Variants in EYS observed in about 807,000 individuals in gnomAD.
The protein encoded by EYS is EGF-like photoreceptor maintenance factor.
In EYS, 250 loss-of-function variants were observed where a neutral mutation model predicts 282.1. That is an observed-to-expected ratio of 0.89 (90% CI 0.80 to 0.98). The LOEUF (loss-of-function observed/expected upper bound fraction) is 0.98, where lower values mean the gene tolerates loss of function less well. Ranked by LOEUF, EYS falls within the 50% of genes least tolerant of loss-of-function variation. The pLI is 0.00. For synonymous variants in EYS, 1,355 were observed against 1,282.9 expected (o/e 1.06, Z -1.20); for missense variants, 4,016 against 3,709.0 (o/e 1.08, Z -2.15).
chr6:65,368,776 T>C (rs1020003234), intron 8 of EYS, among the ~76,000 whole-genome samples: 5 of 151,652 alleles, frequency 3.3e-5, no homozygotes, highest in Non-Finnish European at 7.4e-5. Context: ...ACTTTAAGCA[T>C]AAGCCAACTT....
chr6:65,405,124 T>G (rs1045959728), intron 6 of EYS, 50 bp downstream of exon 6: 6 of 1,313,292 alleles, frequency 4.6e-6, no homozygotes, highest in Non-Finnish European at 6.6e-6. Context: ...TGCTTGGTAA[T>G]AGTAAAAAAA....
At chr6:64,714,933 T>C (rs944868069) in intron 22 of EYS, among the ~76,000 whole-genome samples, 3 of 151,988 alleles carry the variant, frequency 2.0e-5, no homozygotes, top group Middle Eastern at 3.2e-3. Flanking sequence ...CGCTTGAAAA[T>C]GTCTATCTAG....
intron 26 of EYS, among the ~76,000 whole-genome samples, chr6:64,489,564 A>G (rs1374013197): frequency 6.8e-6 from 1 of 147,546 alleles, no homozygotes; most frequent in Non-Finnish European, 1.5e-5. Context: ...AAATTTTAAT[A>G]TAAAAATATT....
intron 12 of EYS, among the ~76,000 whole-genome samples, chr6:65,270,386 G>A (rs780402192): frequency 3.9e-5 from 6 of 152,070 alleles, no homozygotes; most frequent in Non-Finnish European, 8.8e-5. Context: ...TTATTGCTTT[G>A]GGTGGCCCTA....
At chr6:65,028,006 A>G (rs1772473446) in intron 13 of EYS, among the ~76,000 whole-genome samples, 1 of 152,156 alleles carries the variant, frequency 6.6e-6, no homozygotes, top group Non-Finnish European at 1.5e-5. Flanking sequence ...AGTCTGCTTT[A>G]CTATCCTGCA....
chr6:64,396,210 C>T (rs1039442925), intron 28 of EYS, among the ~76,000 whole-genome samples: 7 of 151,964 alleles, frequency 4.6e-5, no homozygotes, highest in African/African-American at 1.4e-4. Flanking sequence ...ACAAATTATT[C>T]TAATGTTGGT....
At chr6:64,324,306 T>G (rs1453637602) in intron 29 of EYS, among the ~76,000 whole-genome samples, 6 of 152,210 alleles carry the variant, frequency 3.9e-5, no homozygotes, top group Non-Finnish European at 8.8e-5. Context: ...GCTTTATTTT[T>G]GGGATGCAAA....
At chr6:65,570,881 T>C (rs1764452638) in intron 2 of EYS, among the ~76,000 whole-genome samples, 1 of 152,168 alleles carries the variant, frequency 6.6e-6, no homozygotes, top group Non-Finnish European at 1.5e-5. Flanking sequence ...TGAAGATTTT[T>C]TTCAATGTAT....
intron 33 of EYS, among the ~76,000 whole-genome samples, chr6:64,027,200 A>G (rs951865061): frequency 3.3e-5 from 5 of 152,180 alleles, no homozygotes; most frequent in African/African-American, 9.7e-5. Flanking sequence ...AGTCATAAAC[A>G]TCTGTTGACC....
intron 35 of EYS, among the ~76,000 whole-genome samples, chr6:63,936,823 A>T (rs1482623375): frequency 6.6e-6 from 1 of 152,238 alleles, no homozygotes; most frequent in Non-Finnish European, 1.5e-5. Flanking sequence ...GATGAGATTC[A>T]GGTATCTTTC....
intron 5 of EYS, among the ~76,000 whole-genome samples, chr6:65,410,526 C>T (rs917739876): frequency 1.3e-5 from 2 of 151,772 alleles, no homozygotes; most frequent in Non-Finnish European, 1.5e-5. Context: ...TGTTGACAAA[C>T]CTCTACCCAT....
intron 35 of EYS, among the ~76,000 whole-genome samples, chr6:63,886,664 C>T (rs1773268564): frequency 1.3e-5 from 2 of 152,142 alleles, no homozygotes; most frequent in South Asian, 4.1e-4. Context: ...TGTCTTATAA[C>T]ACTTCGATCT....
intron 33 of EYS, among the ~76,000 whole-genome samples, chr6:64,059,989 A>C (rs1345996042): frequency 6.6e-6 from 1 of 152,174 alleles, no homozygotes; most frequent in Non-Finnish European, 1.5e-5. Flanking sequence ...TATTGAAGTG[A>C]TGAAGTTTGA....
intron 29 of EYS, among the ~76,000 whole-genome samples, chr6:64,343,966 T>G (rs1771250613): frequency 6.6e-6 from 1 of 152,170 alleles, no homozygotes; most frequent in African/African-American, 2.4e-5. Context: ...AAGAAATGGA[T>G]AAATTCCTGG....
chr6:64,863,575 AT>A (rs1256747153), intron 19 of EYS, among the ~76,000 whole-genome samples: 2 of 152,114 alleles, frequency 1.3e-5, no homozygotes, highest in Non-Finnish European at 1.5e-5. Flanking sequence ...TGGGCTGTTA[AT>A]TGCTAGTGGC....
intron 22 of EYS, among the ~76,000 whole-genome samples, chr6:64,722,866 C>G (rs1293940314): frequency 6.6e-6 from 1 of 151,486 alleles, no homozygotes; most frequent in Non-Finnish European, 1.5e-5. Context: ...CTTTTTCTTT[C>G]AAAAAGTGAC....
intron 28 of EYS, among the ~76,000 whole-genome samples, chr6:64,423,919 C>T (rs1774317135): frequency 6.6e-6 from 1 of 152,166 alleles, no homozygotes; most frequent in African/African-American, 2.4e-5. Flanking sequence ...TTAATATGAA[C>T]ACAATCACTT....
At position 65,231,083 on chromosome 6, in the gene EYS, G is replaced by GTA. The variant is rs1435703744; in HGVS notation, c.2023+64779_2023+64780insTA. On this transcript the variant is annotated intron_variant, in intron 12 of 42. Transcript: ENST00000503581. The stretch of plus-strand genomic sequence containing the variant: ...TATATGTACTTTTATATATATATAT[G>GTA]TGTATATATATATACTTTTATATAT... Among the ~76,000 whole-genome samples, 18 of 28,964 alleles carry GTA rather than the reference G, an allele frequency of 6.2e-4. No homozygotes were observed. In the South Asian group the frequency reaches 0.013, roughly 20 times the overall value. The allele number at this position is 28,964 out of a possible 152,430, so 19.0% of individuals were successfully genotyped here. A position where few individuals can be genotyped will look rare whatever the true frequency, so the allele number is the denominator to read the frequency against.
At chr6:65,507,899 T>C (rs1427914739) in intron 2 of EYS, among the ~76,000 whole-genome samples, 1 of 152,226 alleles carries the variant, frequency 6.6e-6, no homozygotes, top group Non-Finnish European at 1.5e-5. Flanking sequence ...ATTATCTATG[T>C]GGTATTTACA....
Sources: allele counts gnomAD v4.1 joint callset (sites outside exome capture counted in the v4.1 genomes callset), GRCh38; gene constraint gnomAD v4.1.1; transcripts MANE v1.5; gene names NCBI Gene and HGNC (gene_info 2026-07-23, HGNC 2026-07-21).